The following TCF12 variants were observed in gnomAD, a reference collection of about 807,000 sequenced individuals.
The protein encoded by TCF12 is transcription factor 12.
Under a neutral mutation model 86.0 loss-of-function variants are expected in TCF12, and 45 were observed. That is an observed-to-expected ratio of 0.52 (90% confidence interval 0.41 to 0.67). The LOEUF is 0.67. Ranked by LOEUF, TCF12 falls within the 30% of genes least tolerant of loss-of-function variation. TCF12 has a pLI of 0.00. For synonymous variants in TCF12, 330 were observed against 299.6 expected (o/e 1.10, Z -1.05); for missense variants, 881 against 859.9 (o/e 1.02, Z -0.31).
chr15:57,137,332 AT>A (rs1205122851), intron 5 of TCF12, among the ~76,000 whole-genome samples: 26 of 152,096 alleles, frequency 1.7e-4, no homozygotes, highest in African/African-American at 3.4e-4. Flanking sequence ...AATAAAACAC[AT>A]TTTTCCCCAT....
chr15:57,075,888 G>C (rs1430314485), intron 4 of TCF12, among the ~76,000 whole-genome samples: 38 of 124,864 alleles, frequency 3.0e-4, no homozygotes, highest in African/African-American at 1.1e-3. Context: ...ATTTGAGACA[G>C]GGTCTTGCTC....
chr15:56,952,200 A>T (rs1026111767), intron 3 of TCF12, among the ~76,000 whole-genome samples: 13 of 151,818 alleles, frequency 8.6e-5, no homozygotes, highest in Non-Finnish European at 1.6e-4. Context: ...ACACACACAC[A>T]CACACACAAA....
chr15:57,124,768 C>T (rs569674671), intron 5 of TCF12, among the ~76,000 whole-genome samples: 1 of 152,050 alleles, frequency 6.6e-6, no homozygotes, highest in East Asian at 1.9e-4. Context: ...AGCTCCGTCT[C>T]CCGGGTTCAC....
intron 3 of TCF12, among the ~76,000 whole-genome samples, chr15:57,044,407 A>T (rs1409862772): frequency 3.3e-5 from 5 of 152,022 alleles, no homozygotes; most frequent in Non-Finnish European, 7.4e-5. Flanking sequence ...TAAAAAAAAA[A>T]TTTACCTGTG....
intron 3 of TCF12, among the ~76,000 whole-genome samples, chr15:56,985,194 C>A (rs934346589): frequency 1.3e-5 from 2 of 152,168 alleles, no homozygotes; most frequent in Non-Finnish European, 2.9e-5. Flanking sequence ...ATCCCGTGTT[C>A]TTTGCTGACA....
At chr15:56,934,859 C>T (rs2060399280) in intron 3 of TCF12, among the ~76,000 whole-genome samples, 1 of 152,066 alleles carries the variant, frequency 6.6e-6, no homozygotes, top group Non-Finnish European at 1.5e-5. Flanking sequence ...GATTGTTCTT[C>T]AGAATAAGAC....
Position 57,283,425 on chromosome 15 carries a change from C to T in TCF12, c.*11+827C>T, listed in dbSNP as rs1468032411. ...GATTACAGGTGTGCACCACCATGCC[C>T]GGCTAATTTTTGTATTTTTAGTAGA... On this transcript the variant is annotated intron_variant, in intron 20 of 20. Transcript: ENST00000333725. Among the ~76,000 whole-genome samples the T allele has an allele frequency of 3.9e-5, 6 of 151,948 alleles. No homozygotes were observed. In the South Asian group the frequency reaches 8.3e-4, roughly 21 times the overall value.
intron 3 of TCF12, among the ~76,000 whole-genome samples, chr15:57,050,460 TC>T (rs767747671): frequency 1.5e-4 from 23 of 152,188 alleles, no homozygotes; most frequent in Non-Finnish European, 2.8e-4. Context: ...CTTTTTTCTC[TC>T]TGGTGAATTG....
rs991756060 is a variant in TCF12 at position 57,266,495 on chromosome 15, C to T, written c.1745+3221C>T. Among the ~76,000 whole-genome samples, 4 of 152,240 alleles carry T rather than the reference C, an allele frequency of 2.6e-5. No homozygotes were observed. The South Asian group carries it at 8.3e-4, about 32-fold the overall frequency. ...AATAGTTGCCACAGAGACTATATGGCCCATCAGAGCTGAAAATATTTACCA... is the reference window on the plus strand; with the variant it reads ...AATAGTTGCCACAGAGACTATATGGTCCATCAGAGCTGAAAATATTTACCA... On this transcript the variant is annotated intron_variant, in intron 18 of 20. Transcript: ENST00000333725.
intron 8 of TCF12, among the ~76,000 whole-genome samples, chr15:57,218,300 A>C (rs558333256): frequency 6.6e-6 from 1 of 152,322 alleles, no homozygotes; most frequent in African/African-American, 2.4e-5. Flanking sequence ...GGATAGTACA[A>C]AGAAGTTTTG....
rs1229196613 is a variant in TCF12 at position 57,282,387 on chromosome 15, T to C, written c.1979-58T>C. 6.9e-6 allele frequency: 11 copies of C among 1,602,636 alleles called. No homozygotes were observed. The African/African-American group carries it at 1.5e-4, about 21-fold the overall frequency. ...CAAAACAACAGCAATTTGTTCAGCT[T>C]GAGACCTAATTCATAACTTAAAACC... On this transcript the variant is annotated intron_variant, in intron 19 of 20. Coordinates refer to ENST00000333725, the MANE Select transcript of TCF12 (RefSeq NM_207037.2).
At chr15:56,923,690 G>T (rs1000035226) in intron 3 of TCF12, among the ~76,000 whole-genome samples, 7 of 152,174 alleles carry the variant, frequency 4.6e-5, no homozygotes, top group Admixed American at 6.5e-5. Flanking sequence ...CGGGGTTTGA[G>T]TGTGTATGTC....
intron 4 of TCF12, among the ~76,000 whole-genome samples, chr15:57,064,812 A>AAAAAAAAAAAAAAAAAAAAAAAAAAAG (rs554263213): frequency 8.1e-6 from 1 of 123,420 alleles, no homozygotes; most frequent in Non-Finnish European, 1.6e-5. Flanking sequence ...AAAAAAAAAA[A>AAAAAAAAAAAAAAAAAAAAAAAAAAAG]AGAGAGAGAG....
chr15:57,174,844 A>G (rs1298923071), intron 6 of TCF12, among the ~76,000 whole-genome samples: 7 of 152,204 alleles, frequency 4.6e-5, no homozygotes, highest in African/African-American at 1.7e-4. Flanking sequence ...CAACAGTGAA[A>G]ACTCAAACAT....
intron 6 of TCF12, among the ~76,000 whole-genome samples, chr15:57,188,716 A>T (rs2056817105): frequency 6.6e-6 from 1 of 152,238 alleles, no homozygotes. Flanking sequence ...AATATATGGG[A>T]CTGGGATAAC....
intron 5 of TCF12, among the ~76,000 whole-genome samples, chr15:57,120,866 A>G (rs1452047443): frequency 3.9e-5 from 6 of 152,186 alleles, no homozygotes; most frequent in African/African-American, 1.2e-4. Context: ...CTGTGGCCCC[A>G]TCTACTCAGG....
intron 3 of TCF12, among the ~76,000 whole-genome samples, chr15:57,007,848 CCCTCCCTTCCTTCCTTCCTTCCTT>C (rs1210080305): frequency 1.3e-5 from 1 of 74,548 alleles, no homozygotes; most frequent in Non-Finnish European, 2.7e-5. Context: ...TTCTCTCTTT[CCCTCCCTTCCTTCCTTCCTTCCTT>C]CCTTCCTTCC....
intron 5 of TCF12, among the ~76,000 whole-genome samples, chr15:57,139,913 A>C (rs1428688964): frequency 6.6e-6 from 1 of 152,216 alleles, no homozygotes; most frequent in Non-Finnish European, 1.5e-5. Context: ...TTCAGTCATT[A>C]TCAGTATTAA....
intron 5 of TCF12, among the ~76,000 whole-genome samples, chr15:57,135,963 A>G (rs1380178419): frequency 6.6e-6 from 1 of 151,244 alleles, no homozygotes; most frequent in African/African-American, 2.4e-5. Flanking sequence ...TTGTAATGCT[A>G]AAAAAAACTA....
Sources: gnomAD v4.1 joint callset for allele counts (sites outside exome capture counted in the v4.1 genomes callset) on GRCh38, gnomAD v4.1.1 for gene constraint, MANE v1.5 for transcripts, NCBI Gene and HGNC (gene_info 2026-07-23, HGNC 2026-07-21) for gene names.